The following NEGR1 variants were observed in gnomAD, a reference collection of about 807,000 sequenced individuals.
NEGR1 encodes the protein IgLON family member 4.
Under a neutral mutation model 40.9 loss-of-function variants are expected in NEGR1, and 10 were observed. That is an observed-to-expected ratio of 0.24 (90% CI 0.15 to 0.42). The LOEUF is 0.42. NEGR1 is among the 10% of genes least tolerant of loss of function. The pLI is 1.00. For synonymous variants in NEGR1, 185 were observed against 166.8 expected, an observed-to-expected ratio of 1.11 and a Z score of -0.84; for missense variants, 352 against 438.9, an observed-to-expected ratio of 0.80 and a Z score of 1.77.
chr1:71,410,089 A>C (rs917790296), intron 6 of NEGR1, among the ~76,000 whole-genome samples: 1 of 152,072 alleles, frequency 6.6e-6, no homozygotes, highest in African/African-American at 2.4e-5. Flanking sequence ...GCGTATTTTA[A>C]ATTTATTACT....
chr1:71,532,969 C>A (rs1454002739), intron 6 of NEGR1, among the ~76,000 whole-genome samples: 1 of 151,528 alleles, frequency 6.6e-6, no homozygotes, highest in Non-Finnish European at 1.5e-5. Flanking sequence ...ACATAAAAGA[C>A]AAACACTCAT....
chr1:71,975,673 A>C (rs1350904026), intron 1 of NEGR1, among the ~76,000 whole-genome samples: 7 of 152,212 alleles, frequency 4.6e-5, no homozygotes, highest in Admixed American at 3.9e-4. Context: ...CTGACTCTGC[A>C]TCCCATACCC....
intron 6 of NEGR1, among the ~76,000 whole-genome samples, chr1:71,591,600 A>G (rs1448989537): frequency 6.6e-6 from 1 of 152,146 alleles, no homozygotes; most frequent in East Asian, 1.9e-4. Context: ...TCAATGGTTT[A>G]TATTATTCAT....
intron 1 of NEGR1, among the ~76,000 whole-genome samples, chr1:72,177,257 G>A (rs1652201491): frequency 1.3e-5 from 2 of 152,164 alleles, no homozygotes; most frequent in Admixed American, 6.6e-5. Context: ...AACCGACAGA[G>A]TAAGGATTCA....
intron 4 of NEGR1, among the ~76,000 whole-genome samples, chr1:71,630,967 G>T (rs1047408052): frequency 2.0e-5 from 3 of 151,696 alleles, no homozygotes; most frequent in African/African-American, 7.3e-5. Flanking sequence ...ATAAAGATTT[G>T]GTATGGACAG....
At chr1:71,755,584 A>T (rs1248835762) in intron 3 of NEGR1, among the ~76,000 whole-genome samples, 1 of 152,134 alleles carries the variant, frequency 6.6e-6, no homozygotes, top group Non-Finnish European at 1.5e-5. Flanking sequence ...AGTTTGTCCC[A>T]TGCCCACTGA....
chr1:71,692,177 A>G (rs1358691439), intron 4 of NEGR1, among the ~76,000 whole-genome samples: 3 of 151,818 alleles, frequency 2.0e-5, no homozygotes, highest in Non-Finnish European at 4.4e-5. Flanking sequence ...ATATAAATGT[A>G]GATGTACCAA....
At chr1:71,931,272 T>G (rs1418133153) in intron 2 of NEGR1, among the ~76,000 whole-genome samples, 2 of 152,170 alleles carry the variant, frequency 1.3e-5, no homozygotes, top group Non-Finnish European at 2.9e-5. Flanking sequence ...GGGAATGAGT[T>G]GAACACTAAA....
intron 6 of NEGR1, among the ~76,000 whole-genome samples, chr1:71,438,002 G>T (rs1008033604): frequency 6.6e-6 from 1 of 152,184 alleles, no homozygotes; most frequent in Non-Finnish European, 1.5e-5. Flanking sequence ...GGGGCTGCAT[G>T]GTTTGCTAGA....
chr1:72,137,364 G>A (rs1337337719), intron 1 of NEGR1, among the ~76,000 whole-genome samples: 1 of 152,064 alleles, frequency 6.6e-6, no homozygotes, highest in Non-Finnish European at 1.5e-5. Flanking sequence ...ACCAGTGATA[G>A]ACTAGATAAA....
At chr1:71,798,490 T>G (rs1657423096) in intron 2 of NEGR1, among the ~76,000 whole-genome samples, 1 of 152,216 alleles carries the variant, frequency 6.6e-6, no homozygotes, top group Non-Finnish European at 1.5e-5. Context: ...TAGCATTAAT[T>G]ATATCTTCAC....
rs1249042123 is a variant in NEGR1 at position 71,402,877 on chromosome 1, T to C, written c.*4569A>G. On this transcript the variant is annotated 3_prime_UTR_variant, in exon 7 of 7. Coordinates refer to ENST00000357731, the MANE Select transcript of NEGR1 (RefSeq NM_173808.3). ...ATGTCTGATACTTGATGTTTCTGTTTCTGTGATGTAATTTATGCAAGATAG... is the reference window on the plus strand; with the variant it reads ...ATGTCTGATACTTGATGTTTCTGTTCCTGTGATGTAATTTATGCAAGATAG... 1 of 152,106 alleles carries C rather than the reference T, an allele frequency of 6.6e-6. No homozygotes were observed. The highest frequency in any genetic ancestry group is 6.6e-5 in the Admixed American group (1 of 15,264). 9.4% of individuals were successfully genotyped at this position (152,106 alleles called of 1,614,324 possible).
chr1:71,918,550 C>A (rs572919852), intron 2 of NEGR1, among the ~76,000 whole-genome samples: 1 of 152,096 alleles, frequency 6.6e-6, no homozygotes, highest in Non-Finnish European at 1.5e-5. Context: ...TTGTTCAGAG[C>A]AGACTTAAAG....
intron 1 of NEGR1, among the ~76,000 whole-genome samples, chr1:72,163,810 T>C (rs1349723049): frequency 6.6e-6 from 1 of 151,916 alleles, no homozygotes; most frequent in Non-Finnish European, 1.5e-5. Context: ...AGTAGAAATA[T>C]AATATTAAAT....
At chr1:71,763,766 T>C (rs1349619742) in intron 3 of NEGR1, among the ~76,000 whole-genome samples, 2 of 151,510 alleles carry the variant, frequency 1.3e-5, no homozygotes, top group Non-Finnish European at 1.5e-5. Context: ...TGTGTGTGTG[T>C]GTGTGTCTGT....
intron 4 of NEGR1, among the ~76,000 whole-genome samples, chr1:71,659,528 A>C (rs143430173): frequency 5.9e-5 from 9 of 152,186 alleles, no homozygotes; most frequent in African/African-American, 2.2e-4. Context: ...GAAACTATCA[A>C]TAGAGTAAAC....
At chr1:72,109,916 T>G (rs144992942) in intron 1 of NEGR1, among the ~76,000 whole-genome samples, 1 of 151,798 alleles carries the variant, frequency 6.6e-6, no homozygotes, top group Admixed American at 6.6e-5. Context: ...CTTACTCAGT[T>G]TGTTCCCCCC....
intron 6 of NEGR1, among the ~76,000 whole-genome samples, chr1:71,562,346 A>T (rs894335756): frequency 2.6e-5 from 4 of 151,864 alleles, no homozygotes; most frequent in African/African-American, 9.7e-5. Flanking sequence ...AACACTGGAC[A>T]TAAATCTTCA....
chr1:72,009,783 C>T (rs979140963), intron 1 of NEGR1, among the ~76,000 whole-genome samples: 3 of 152,100 alleles, frequency 2.0e-5, no homozygotes, highest in African/African-American at 7.2e-5. Context: ...TTGGCCCCAA[C>T]ATCTGGCAGC....
Sources: allele counts gnomAD v4.1 joint callset (sites outside exome capture counted in the v4.1 genomes callset), GRCh38; gene constraint gnomAD v4.1.1; transcripts MANE v1.5; gene names NCBI Gene and HGNC (gene_info 2026-07-23, HGNC 2026-07-21).